RBM20: variants seen among roughly 807,000 people sequenced by gnomAD.
The protein encoded by RBM20 is RNA-binding protein 20.
Under a neutral mutation model 110.1 loss-of-function variants are expected in RBM20, and 51 were observed. The ratio of observed to expected loss-of-function variants is 0.46; its 90% CI spans 0.37 to 0.59. The LOEUF is 0.59. Ranked by LOEUF, RBM20 falls within the 20% of genes least tolerant of loss-of-function variation. The pLI, the probability that RBM20 is intolerant of heterozygous loss-of-function variation, is 0.00. For missense variants in RBM20, 1,512 were observed against 1,574.9 expected, an observed-to-expected ratio of 0.96 and a Z score of 0.68; for synonymous variants, 589 against 618.2, an observed-to-expected ratio of 0.95 and a Z score of 0.70.
At chr10:110,695,199 T>G (rs1213543322) in intron 1 of RBM20, among the ~76,000 whole-genome samples, 1 of 152,178 alleles carries the variant, frequency 6.6e-6, no homozygotes, top group Admixed American at 6.5e-5. Context: ...GCAGTTTAAC[T>G]GAGGTGTTTA....
intron 7 of RBM20, among the ~76,000 whole-genome samples, chr10:110,808,154 G>A (rs1340345775): frequency 1.3e-5 from 2 of 152,248 alleles, no homozygotes; most frequent in African/African-American, 4.8e-5. Flanking sequence ...TGCTTGGTGG[G>A]ATCCACATCA....
Position 110,839,076 on chromosome 10 carries a change from T to C in RBM20, c.*3098T>C, listed in dbSNP as rs1845171519. On this transcript the variant is annotated 3_prime_UTR_variant, in exon 14 of 14. Coordinates refer to ENST00000369519, the MANE Select transcript of RBM20 (RefSeq NM_001134363.3). ...TGCTCCCTTAAGCAACAGATTCATA[T>C]TTACCCTGGGTTAATACAACAAAAG... 6.6e-6 allele frequency: 1 copy of C among 152,216 alleles called. No homozygotes were observed. The allele number at this position is 152,216 out of a possible 1,614,324, so 9.4% of individuals were successfully genotyped here. A position where few individuals can be genotyped will look rare whatever the true frequency, so the allele number is the denominator to read the frequency against.
intron 12 of RBM20, among the ~76,000 whole-genome samples, chr10:110,830,619 T>A (rs901463995): frequency 6.6e-6 from 1 of 152,134 alleles, no homozygotes; most frequent in African/African-American, 2.4e-5. Context: ...AGAACATAAT[T>A]CTAAAATAAA....
chr10:110,670,671 C>G (rs1423212230), intron 1 of RBM20, among the ~76,000 whole-genome samples: 1 of 152,328 alleles, frequency 6.6e-6, no homozygotes, highest in East Asian at 1.9e-4. Flanking sequence ...ACCGTAGAAC[C>G]ATCCCTGTTA....
At chr10:110,792,133 CTCTATCTGTCTATCTA>C (rs1474137947) in intron 5 of RBM20, among the ~76,000 whole-genome samples, 1 of 144,420 alleles carries the variant, frequency 6.9e-6, no homozygotes, top group African/African-American at 2.7e-5. Context: ...CTCTATCTTC[CTCTATCTGTCTATCTA>C]TCTATCTATC....
At chr10:110,737,839 C>T (rs1235556448) in intron 1 of RBM20, among the ~76,000 whole-genome samples, 2 of 152,144 alleles carry the variant, frequency 1.3e-5, no homozygotes, top group Non-Finnish European at 1.5e-5. Context: ...TAGTTTCTGG[C>T]TATTACAAAG....
intron 13 of RBM20, 51 bp from the exon 14 acceptor site, chr10:110,835,817 T>G: frequency 6.5e-7 from 1 of 1,531,282 alleles, no homozygotes; most frequent in Non-Finnish European, 8.9e-7. Context: ...CCTCTCCATC[T>G]AGGTCCCTAC....
At chr10:110,809,525 A>G (rs377054595) in intron 7 of RBM20, among the ~76,000 whole-genome samples, 1 of 152,162 alleles carries the variant, frequency 6.6e-6, no homozygotes, top group South Asian at 2.1e-4. Context: ...TTTGGTTATC[A>G]TGTGTCCATT....
Position 110,781,855 on chromosome 10 carries a change from A to C in RBM20, c.1246A>C (p.Ile416Leu), listed in dbSNP as rs1183965966. Residue 416 changes from isoleucine to leucine, a missense_variant, in exon 2 of 14, where the codon ATC (isoleucine) becomes CTC (leucine). Physicochemically the swap from Ile to Leu is conservative, Grantham distance 5. Around this residue, in one of 3 missense-constraint regions of RBM20, gnomAD observed 1,149 missense variants for 1,169.4 expected, o/e 0.98. Coordinates refer to ENST00000369519, the MANE Select transcript of RBM20 (RefSeq NM_001134363.3). ...CCTCCACTTGCCGCATATCTGTAGC[A>C]TCTGTGACAAGAAGGTGTTTGATTT... ...APLHLPHICS[I>L]CDKKVFDLKD... 1 of 1,551,746 alleles carries C rather than the reference A, an allele frequency of 6.4e-7. No individual in the cohort carries two copies. The highest frequency in any genetic ancestry group is 2.0e-5 in the Admixed American group (1 of 51,010).
chr10:110,806,038 C>A (rs1009543103), intron 7 of RBM20, among the ~76,000 whole-genome samples: 1 of 152,078 alleles, frequency 6.6e-6, no homozygotes, highest in Non-Finnish European at 1.5e-5. Context: ...TTTGGGAGGC[C>A]GAGGTGGGCG....
At position 110,810,426 on chromosome 10, in the gene RBM20, C is replaced by T; in HGVS notation, c.1844C>T (p.Ser615Phe). ...GCTGCCATCATCCAGGACATCCATTCCCAGAGGGAGAGGGACATGTTCCGG... is the reference window on the plus strand; with the variant it reads ...GCTGCCATCATCCAGGACATCCATTTCCAGAGGGAGAGGGACATGTTCCGG... ...AVAAIIQDIH[S>F]QRERDMFREA... The change falls in exon 8 of 14, where the codon TCC becomes TTC. Residue 615 changes from serine to phenylalanine, a missense_variant. Transcript: ENST00000369519. 1 of 1,551,528 alleles carries T rather than the reference C, an allele frequency of 6.4e-7. No individual in the cohort carries two copies. Among genetic ancestry groups the T allele is most frequent in the Non-Finnish European group, 8.7e-7 (1 of 1,146,866 alleles).
intron 1 of RBM20, among the ~76,000 whole-genome samples, chr10:110,769,881 G>A (rs1440390333): frequency 1.3e-5 from 2 of 151,938 alleles, no homozygotes; most frequent in Non-Finnish European, 2.9e-5. Flanking sequence ...ACCATGCCTG[G>A]CCAATCTAAA....
rs972338683 is a variant in RBM20 at position 110,821,532 on chromosome 10, T to C, written c.2913T>C (p.Asn971=). The C allele has an allele frequency of 1.3e-6, 2 of 1,551,936 alleles. No individual in the cohort carries two copies. Among genetic ancestry groups the C allele is most frequent in the East Asian group, 4.9e-5 (2 of 40,924 alleles). Reference sequence around the variant, plus strand: ...AGGAAGGAGTCAAGGCCGTAGGGAATGGGGCTGCAGAAATCAGCCTCAAGT... The same window carrying C: ...AGGAAGGAGTCAAGGCCGTAGGGAACGGGGCTGCAGAAATCAGCCTCAAGT... The part of the protein sequence containing the change: ...FPKEGVKAVG[N]GAAEISLKSP... Residue 971 remains asparagine (N), a synonymous_variant, in exon 11 of 14, where the codon AAT becomes AAC. Coordinates refer to ENST00000369519, the MANE Select transcript of RBM20 (RefSeq NM_001134363.3).
At position 110,819,513 on chromosome 10, in the gene RBM20, T is replaced by G. The variant is rs188467402; in HGVS notation, c.2551-559T>G. Among the ~76,000 whole-genome samples the G allele has an allele frequency of 2.3e-3, 353 of 152,186 alleles. 2 individuals carry two copies. The highest frequency in any genetic ancestry group is 3.8e-3 in the Non-Finnish European group (256 of 67,996). On this transcript the variant is annotated intron_variant, in intron 9 of 13. Coordinates refer to ENST00000369519, the MANE Select transcript of RBM20 (RefSeq NM_001134363.3). ...AGTTTCACAGACATGCGCACTACTG[T>G]GAGGGTCCTGATTTGGGGGAAGGGA...
chr10:110,823,689 A>C, intron 12 of RBM20, 75 bp downstream of exon 12: 1 of 1,483,754 alleles, frequency 6.7e-7, no homozygotes, highest in Non-Finnish European at 9.1e-7. Context: ...CAAGAGCTTG[A>C]GAGAGCTTTT....
At chr10:110,696,373 C>T (rs1321224496) in intron 1 of RBM20, among the ~76,000 whole-genome samples, 1 of 152,180 alleles carries the variant, frequency 6.6e-6, no homozygotes, top group East Asian at 1.9e-4. Context: ...TCAGTCACTT[C>T]TTGGGAAATA....
chr10:110,759,612 G>T (rs1843969244), intron 1 of RBM20, among the ~76,000 whole-genome samples: 1 of 152,218 alleles, frequency 6.6e-6, no homozygotes, highest in African/African-American at 2.4e-5. Context: ...AGCAGGGGCA[G>T]AGGGAGGGGC....
intron 1 of RBM20, among the ~76,000 whole-genome samples, chr10:110,678,927 G>C (rs1422550361): frequency 6.6e-6 from 1 of 152,148 alleles, no homozygotes; most frequent in Non-Finnish European, 1.5e-5. Flanking sequence ...ATGGGTTCAT[G>C]CTTTGCTGCA....
intron 1 of RBM20, among the ~76,000 whole-genome samples, chr10:110,714,482 C>G (rs1486061467): frequency 6.6e-6 from 1 of 152,138 alleles, no homozygotes; most frequent in Non-Finnish European, 1.5e-5. Context: ...AATGAGGACC[C>G]AAGAGCTTCC....
Sources: allele counts gnomAD v4.1 joint callset (sites outside exome capture counted in the v4.1 genomes callset), GRCh38; gene constraint gnomAD v4.1.1; regional missense constraint gnomAD v4.1.1; transcripts MANE v1.5; gene names NCBI Gene and HGNC (gene_info 2026-07-23, HGNC 2026-07-21).